Variants in ZNF445 observed in about 807,000 individuals in gnomAD.
The protein encoded by ZNF445 is zinc finger protein 445.
A neutral mutation model predicts 93.9 loss-of-function variants in ZNF445; 19 were observed. The observed-to-expected ratio is 0.20, with a 90% CI of 0.14 to 0.30. The LOEUF is 0.30. Ranked by LOEUF, ZNF445 falls within the 10% of genes least tolerant of loss-of-function variation. ZNF445 has a pLI of 1.00. For synonymous variants in ZNF445, 449 were observed against 446.3 expected, an observed-to-expected ratio of 1.01 and a Z score of -0.08; for missense variants, 1,058 against 1,259.4, an observed-to-expected ratio of 0.84 and a Z score of 2.42.
At chr3:44,451,110 G>T in intron 4 of ZNF445, 148 bp from the exon 5 acceptor site, 1 of 992,416 alleles carries the variant, frequency 1.0e-6, no homozygotes, top group South Asian at 1.6e-5. Flanking sequence ...AGTCTACTGG[G>T]GCCAGGAAAG....
In ZNF445 at chr3:44,439,743, T is replaced by C. The variant is rs1333585004; in HGVS notation, c.*6832A>G. The C allele has an allele frequency of 6.6e-6, 1 of 152,198 alleles. No individual in the cohort carries two copies. Among genetic ancestry groups the C allele is most frequent in the Non-Finnish European group, 1.5e-5 (1 of 68,044 alleles). 9.4% of individuals were successfully genotyped at this position (152,198 alleles called of 1,614,324 possible). A position where few individuals can be genotyped will look rare whatever the true frequency, so the allele number is the denominator to read the frequency against. The stretch of plus-strand genomic sequence containing the variant: ...CATCACTCAAAACTGGTTCGGATGT[T>C]GAAACTGATGACACTGCAGACACCA... On this transcript the variant is annotated 3_prime_UTR_variant, in exon 8 of 8. Transcript: ENST00000396077.
intron 3 of ZNF445, chr3:44,454,763 T>G: frequency 3.5e-6 from 1 of 282,606 alleles, no homozygotes; most frequent in Non-Finnish European, 6.8e-6. Context: ...TGTGGGGGGG[T>G]CCTCCTATGT....
At chr3:44,451,025 C>T (rs574225899) in intron 4 of ZNF445, 63 bp from the exon 5 acceptor site, 201 of 1,370,598 alleles carry the variant, frequency 1.5e-4, no homozygotes, top group Non-Finnish European at 1.9e-4. Flanking sequence ...GAAGCCCACT[C>T]TTCCCCCCAG....
In ZNF445 at chr3:44,476,413, T is replaced by C. The variant is rs117619805; in HGVS notation, c.-269+1178A>G. 1.3e-4 allele frequency among the ~76,000 whole-genome samples: 20 copies of C among 152,090 alleles called. No individual in the cohort carries two copies. In the East Asian group the frequency reaches 2.9e-3, roughly 22 times the overall value. On this transcript the variant is annotated intron_variant, in intron 1 of 7. Coordinates refer to ENST00000396077, the MANE Select transcript of ZNF445 (RefSeq NM_181489.6). ...AAAATGTGTCTGCCTTTCATTAAGA[T>C]AACATAAAAGAGCAGCCTAATTCTT...
chr3:44,477,463 C>G (rs1362105042), intron 1 of ZNF445, 128 bp downstream of exon 1: 2 of 152,022 alleles, frequency 1.3e-5, no homozygotes, highest in Non-Finnish European at 2.9e-5. Context: ...CAGACCCCCG[C>G]CACGGGCGCA....
In ZNF445 at chr3:44,433,605, A is replaced by T. The variant is rs972906051; in HGVS notation, c.*12970T>A. ...ATGAGAGAAATGCCCAGGGAGGGAG[A>T]CTGGAGAAGGTTCAGGGACCAAGTT... On this transcript the variant is annotated 3_prime_UTR_variant, in exon 8 of 8. Transcript: ENST00000396077. 6.6e-6 allele frequency: 1 copy of T among 152,400 alleles called. No individual in the cohort carries two copies. The highest frequency in any genetic ancestry group is 2.4e-5 in the African/African-American group (1 of 41,412). The allele number at this position is 152,400 out of a possible 1,614,324, so 9.4% of individuals were successfully genotyped here.
intron 1 of ZNF445, among the ~76,000 whole-genome samples, chr3:44,460,558 C>T (rs1224213013): frequency 1.3e-5 from 2 of 152,222 alleles, no homozygotes; most frequent in East Asian, 1.9e-4. Context: ...ACTGGCTCAT[C>T]TGAGCTTGTG....
At position 44,433,053 on chromosome 3, in the gene ZNF445, G is replaced by A. The variant is rs1697592464; in HGVS notation, c.*13522C>T. The A allele has an allele frequency of 6.6e-6, 1 of 151,958 alleles. No individual in the cohort carries two copies. Among genetic ancestry groups the A allele is most frequent in the Admixed American group, 6.6e-5 (1 of 15,266 alleles). The allele number at this position is 151,958 out of a possible 1,614,324, so 9.4% of individuals were successfully genotyped here. A position where few individuals can be genotyped will look rare whatever the true frequency, so the allele number is the denominator to read the frequency against. On this transcript the variant is annotated 3_prime_UTR_variant, in exon 8 of 8. Transcript: ENST00000396077. ...CATCCTAACAAGGAGACGGGAAACT[G>A]AAGTACCACAGGAAGGAGATACTCT...
At chr3:44,449,376 C>T (rs1697927198) in intron 7 of ZNF445, 137 bp downstream of exon 7, 2 of 712,898 alleles carry the variant, frequency 2.8e-6, no homozygotes, top group Non-Finnish European at 4.8e-6. Flanking sequence ...CCCAGTGGCC[C>T]AAGCACCCTT....
At chr3:44,448,823 G>T in intron 7 of ZNF445, 84 bp from the exon 8 acceptor site, 3 of 1,478,082 alleles carry the variant, frequency 2.0e-6, no homozygotes, top group Non-Finnish European at 2.7e-6. Flanking sequence ...TAAAATGTCT[G>T]GGTGGTGAGG....
In ZNF445 at chr3:44,446,311, C is replaced by A. The variant is rs79593440; in HGVS notation, c.*264G>T. ...TGGAAGGAGACCTGAATAGGGGAGCCGCAGGCTATGGTGCAGAGGCCACTC... is the reference window on the plus strand; with the variant it reads ...TGGAAGGAGACCTGAATAGGGGAGCAGCAGGCTATGGTGCAGAGGCCACTC... On this transcript the variant is annotated 3_prime_UTR_variant, in exon 8 of 8. Coordinates refer to ENST00000396077, the MANE Select transcript of ZNF445 (RefSeq NM_181489.6). The surrounding 1 kb of genome is among the most constrained non-coding windows in gnomAD (Gnocchi z 4.2). 2.9e-3 allele frequency: 1,381 copies of A among 470,234 alleles called. 14 individuals are homozygous for A. The highest frequency in any genetic ancestry group is 0.025 in the African/African-American group (1,282 of 50,798). The allele number at this position is 470,234 out of a possible 1,614,324, so 29.1% of individuals were successfully genotyped here. A position where few individuals can be genotyped will look rare whatever the true frequency, so the allele number is the denominator to read the frequency against.
chr3:44,461,240 G>A (rs1232102701), intron 1 of ZNF445, among the ~76,000 whole-genome samples: 1 of 152,148 alleles, frequency 6.6e-6, no homozygotes, highest in Non-Finnish European at 1.5e-5. Context: ...ACCATGGGGT[G>A]TCTGTGTCTG....
At position 44,446,610 on chromosome 3, in the gene ZNF445, G is replaced by A. The variant is rs749406775; in HGVS notation, c.3061C>T (p.Leu1021=). ...CGKTFRWSSN[L]ARHMKNHIRD is the part of the protein sequence containing the mutation. ...ATATGGTTTTTCATATGCCGAGCCA[G>A]GTTCGAAGACCACCTGAAGGTCTTT... The change falls in exon 8 of 8, where the codon CTG becomes TTG. Residue 1021 remains leucine (L), a synonymous_variant. Coordinates refer to ENST00000396077, the MANE Select transcript of ZNF445 (RefSeq NM_181489.6). This position sits in a 1 kb window ranked among gnomAD's most constrained non-coding sequence, Gnocchi z 4.2. 2.5e-6 allele frequency: 4 copies of A among 1,614,232 alleles called. No individual in the cohort carries two copies. Among genetic ancestry groups the A allele is most frequent in the Non-Finnish European group, 3.4e-6 (4 of 1,180,044 alleles).
At position 44,447,500 on chromosome 3, in the gene ZNF445, A is replaced by G. The variant is rs1364193195; in HGVS notation, c.2171T>C (p.Phe724Ser). The change falls in exon 8 of 8, where the codon TTT becomes TCT. Residue 724 changes from phenylalanine (F) to serine (S), a missense_variant. Physicochemically the swap from Phe to Ser is radical, Grantham distance 155. Around this residue, in one of 3 missense-constraint regions of ZNF445, gnomAD observed 387 missense variants for 475.7 expected, o/e 0.81. Transcript: ENST00000396077. The surrounding 1 kb of genome is among the most constrained non-coding windows in gnomAD (Gnocchi z 4.7). ...GGCATGCTTCTTCTTATGAACAATAAAGGCTGACCTATAGGCAAAGTCCTT... is the reference window on the plus strand; with the variant it reads ...GGCATGCTTCTTCTTATGAACAATAGAGGCTGACCTATAGGCAAAGTCCTT... ...CGKDFAYRSA[F>S]IVHKKKHAMK... is the part of the protein sequence containing the mutation. The G allele has an allele frequency of 2.5e-6, 4 of 1,614,190 alleles. No homozygotes were observed. Among genetic ancestry groups the G allele is most frequent in the Non-Finnish European group, 3.4e-6 (4 of 1,180,034 alleles).
At position 44,441,450 on chromosome 3, in the gene ZNF445, GCAGCCCAGTAGGTCTCA is replaced by G; in HGVS notation, c.*5108_*5124del. 6.6e-6 allele frequency: 1 copy of G among 152,190 alleles called. No individual in the cohort carries two copies. Among genetic ancestry groups the G allele is most frequent in the Non-Finnish European group, 1.5e-5 (1 of 68,020 alleles). 9.4% of individuals were successfully genotyped at this position (152,190 alleles called of 1,614,324 possible). On this transcript the variant is annotated 3_prime_UTR_variant, in exon 8 of 8. Transcript: ENST00000396077. Reference sequence around the variant, plus strand: ...TTGGAATGCCTAACCTCCTGGGAATGCAGCCCAGTAGGTCTCAGCCTTATTTTACCCAGTTCCCTATT... The same window carrying G: ...TTGGAATGCCTAACCTCCTGGGAATGGCCTTATTTTACCCAGTTCCCTATT...
intron 1 of ZNF445, among the ~76,000 whole-genome samples, chr3:44,461,260 T>C (rs1698111167): frequency 6.6e-6 from 1 of 152,186 alleles, no homozygotes; most frequent in Admixed American, 6.5e-5. Flanking sequence ...GTAGCACCAC[T>C]GCTGGGTGTC....
chr3:44,448,395 G>A lies in ZNF445; in HGVS notation c.1276C>T (p.His426Tyr), dbSNP rs1697909512. Reference sequence around the variant, plus strand: ...CCATATTTCTTGTAGTCATAGTGGTGTGAACTCATTCTGAAGTGTTTGCCA... The same window carrying A: ...CCATATTTCTTGTAGTCATAGTGGTATGAACTCATTCTGAAGTGTTTGCCA... ...GCGKHFRMSS[H>Y]HYDYKKYGKG... is the part of the protein sequence containing the mutation. Residue 426 changes from histidine (H) to tyrosine (Y), a missense_variant, in exon 8 of 8, where the codon CAC becomes TAC. By Grantham distance (83) the His-to-Tyr change is moderately conservative. Coordinates refer to ENST00000396077, the MANE Select transcript of ZNF445 (RefSeq NM_181489.6). 7 of 1,614,116 alleles carry A rather than the reference G, an allele frequency of 4.3e-6. No homozygotes were observed. In the East Asian group the frequency reaches 6.7e-5, roughly 15 times the overall value.
chr3:44,449,727 G>A, intron 6 of ZNF445, 104 bp from the exon 7 acceptor site: 1 of 891,084 alleles, frequency 1.1e-6, no homozygotes, highest in Non-Finnish European at 1.8e-6. Context: ...GGAAAGACCA[G>A]GAAGGCAGGC....
rs1457934156 is a variant in ZNF445 at position 44,435,040 on chromosome 3, C to A, written c.*11535G>T. 6.6e-6 allele frequency: 1 copy of A among 152,164 alleles called. No individual in the cohort carries two copies. Among genetic ancestry groups the A allele is most frequent in the Non-Finnish European group, 1.5e-5 (1 of 68,040 alleles). 9.4% of individuals were successfully genotyped at this position (152,164 alleles called of 1,614,324 possible). ...CTTCAACTGGGCCTGTACACATGCC[C>A]AAGAGGTGGCCTTTTGACATCAGAG... is the stretch of plus-strand genomic sequence containing the variant. On this transcript the variant is annotated 3_prime_UTR_variant, in exon 8 of 8. Transcript: ENST00000396077.
Sources: gnomAD v4.1 joint callset for allele counts (sites outside exome capture counted in the v4.1 genomes callset) on GRCh38, gnomAD v4.1.1 for gene constraint, gnomAD v4.1.1 regional missense constraint, Gnocchi (gnomAD v3.1) non-coding constraint, MANE v1.5 for transcripts, NCBI Gene and HGNC (gene_info 2026-07-23, HGNC 2026-07-21) for gene names.